PRRC2B: variants seen among roughly 807,000 people sequenced by gnomAD.
The protein encoded by PRRC2B is protein PRRC2B.
In PRRC2B, 68 loss-of-function variants were observed where a neutral mutation model predicts 242.3. That is an observed-to-expected ratio of 0.28 (90% confidence interval 0.23 to 0.34). The LOEUF (loss-of-function observed/expected upper bound fraction) is 0.34, where lower values mean the gene tolerates loss of function less well. Among genes scored for constraint, PRRC2B ranks in the 10% least tolerant of loss-of-function variants. The pLI, the probability that PRRC2B is intolerant of heterozygous loss-of-function variation, is 1.00. For synonymous variants in PRRC2B, 1,228 were observed against 1,173.6 expected (o/e 1.05, Z -0.95); for missense variants, 2,835 against 2,954.8 (o/e 0.96, Z 0.94).
chr9:131,412,352 A>G (rs543613318), intron 1 of PRRC2B, among the ~76,000 whole-genome samples: 1 of 152,008 alleles, frequency 6.6e-6, no homozygotes, highest in Non-Finnish European at 1.5e-5. Flanking sequence ...ATAGTTGTGT[A>G]TGTTTATTTG....
intron 1 of PRRC2B, among the ~76,000 whole-genome samples, chr9:131,382,934 C>T (rs1454091552): frequency 3.9e-5 from 6 of 151,950 alleles, no homozygotes; most frequent in East Asian, 1.9e-4. Flanking sequence ...CCTGAGCCAC[C>T]GCACCCAGCC....
At position 131,467,728 on chromosome 9, in the gene PRRC2B, A is replaced by G; in HGVS notation, c.1886A>G (p.Gln629Arg). The part of the protein sequence containing the change: ...KYQKSLPPRF[Q>R]RQQQQQQQEQ... ...CAGAAGTCCCTTCCTCCCCGATTCC[A>G]GCGCCAGCAGCAGCAACAACAGCAG... The change falls in exon 13 of 32, where the codon CAG (glutamine) becomes CGG (arginine). Residue 629 changes from glutamine (Q) to arginine (R), a missense_variant. Physicochemically the swap from Gln to Arg is conservative, Grantham distance 43. This residue lies in a region of PRRC2B where 1,536 missense variants were observed against 1,483.1 expected (regional missense o/e 1.04). Coordinates refer to ENST00000683519, the MANE Select transcript of PRRC2B (RefSeq NM_013318.4). 1 of 1,613,964 alleles carries G rather than the reference A, an allele frequency of 6.2e-7. No individual in the cohort carries two copies. Among genetic ancestry groups the G allele is most frequent in the East Asian group, 2.2e-5 (1 of 44,886 alleles).
intron 25 of PRRC2B, 141 bp downstream of exon 25, chr9:131,485,281 C>T (rs1256283850): frequency 4.3e-6 from 3 of 690,006 alleles, no homozygotes; most frequent in South Asian, 3.9e-5. Flanking sequence ...GCCCAGTGGT[C>T]GTAGCTCCCA....
At chr9:131,402,294 C>G (rs1255153241) in intron 1 of PRRC2B, among the ~76,000 whole-genome samples, 1 of 152,152 alleles carries the variant, frequency 6.6e-6, no homozygotes, top group Non-Finnish European at 1.5e-5. Flanking sequence ...ATTTTACTTT[C>G]TTTCTGTGAA....
chr9:131,459,765 G>A (rs1460995028), intron 11 of PRRC2B, among the ~76,000 whole-genome samples: 1 of 151,930 alleles, frequency 6.6e-6, no homozygotes, highest in Non-Finnish European at 1.5e-5. Context: ...TCTTGAGCTC[G>A]TGGGCTCAAG....
intron 2 of PRRC2B, among the ~76,000 whole-genome samples, chr9:131,431,986 G>T (rs1838190942): frequency 6.6e-6 from 1 of 152,014 alleles, no homozygotes; most frequent in Non-Finnish European, 1.5e-5. Flanking sequence ...TAGAGACAGG[G>T]TTTTGTCACA....
chr9:131,478,649 G>GGGGGGGGGGCCCCGGGC, intron 18 of PRRC2B, 30 bp downstream of exon 18: 1 of 504,562 alleles, frequency 2.0e-6, no homozygotes. Context: ...GGGGCATGGG[G>GGGGGGGGGGCCCCGGGC]CTGGAGGGCA....
chr9:131,429,890 C>T (rs1838077634), intron 1 of PRRC2B, among the ~76,000 whole-genome samples: 1 of 151,986 alleles, frequency 6.6e-6, no homozygotes, highest in African/African-American at 2.4e-5. Flanking sequence ...GGGGTGTCTA[C>T]ATAAATGCCC....
upstream of PRRC2B, among the ~76,000 whole-genome samples, chr9:131,390,838 G>A (rs1438498454): frequency 1.6e-5 from 2 of 128,812 alleles, no homozygotes; most frequent in Non-Finnish European, 3.1e-5. Flanking sequence ...CCAGGCTATA[G>A]TGCAATGGTG....
chr9:131,491,444 G>A lies in PRRC2B; in HGVS notation c.6245G>A (p.Arg2082Gln), dbSNP rs756081846. The A allele has an allele frequency of 1.9e-5, 31 of 1,605,930 alleles. No individual in the cohort carries two copies. Among genetic ancestry groups the A allele is most frequent in the Non-Finnish European group, 2.5e-5 (30 of 1,176,606 alleles). ...CAGCAGCTGACCATGCCACTGCCTC[G>A]GTACGGCTCCGGGCAGCAGCCACTG... is the stretch of plus-strand genomic sequence containing the variant. The part of the protein sequence containing the change: ...QLPQLTMPLP[R>Q]YGSGQQPLIL... Residue 2082 changes from arginine to glutamine, a missense_variant, in exon 29 of 32, where the codon CGG becomes CAG. Physicochemically the swap from Arg to Gln is conservative, Grantham distance 43. Around this residue, in one of 7 missense-constraint regions of PRRC2B, gnomAD observed 574 missense variants for 626.0 expected, o/e 0.92. Transcript: ENST00000683519.
chr9:131,478,099 G>C, intron 17 of PRRC2B, 150 bp downstream of exon 17: 1 of 665,898 alleles, frequency 1.5e-6, no homozygotes, highest in Non-Finnish European at 2.6e-6. Context: ...GGGCTGTAGA[G>C]GTGAGCAGAG....
At chr9:131,465,154 C>T (rs1031891951) in intron 12 of PRRC2B, 76 bp downstream of exon 12, 13 of 1,383,604 alleles carry the variant, frequency 9.4e-6, no homozygotes, top group African/African-American at 1.4e-5. Context: ...CAACTGCCTT[C>T]CTTCTTAGCT....
At chr9:131,438,878 T>C (rs1358915819) in intron 4 of PRRC2B, 111 bp from the exon 5 acceptor site, 1 of 783,334 alleles carries the variant, frequency 1.3e-6, no homozygotes, top group African/African-American at 1.7e-5. Flanking sequence ...GATGGATCCG[T>C]ATAGGGTTTG....
At chr9:131,441,577 C>A (rs1459292598) in intron 5 of PRRC2B, among the ~76,000 whole-genome samples, 2 of 152,170 alleles carry the variant, frequency 1.3e-5, no homozygotes, top group Non-Finnish European at 1.5e-5. Flanking sequence ...AACCTGCCAG[C>A]CCACAGAATC....
At chr9:131,456,311 TATA>T (rs1943075278) in intron 10 of PRRC2B, among the ~76,000 whole-genome samples, 1 of 151,786 alleles carries the variant, frequency 6.6e-6, no homozygotes. Context: ...CTCTAGTTTT[TATA>T]ATGTTAGTAG....
chr9:131,466,850 G>A (rs1300928635), intron 12 of PRRC2B, among the ~76,000 whole-genome samples: 1 of 150,782 alleles, frequency 6.6e-6, no homozygotes, highest in South Asian at 2.1e-4. Flanking sequence ...CGCCCAGGCT[G>A]GAGTGCAGTG....
In PRRC2B at chr9:131,481,730, C is replaced by A; in HGVS notation, c.4905C>A (p.Leu1635=). Residue 1635 remains leucine, a synonymous_variant, in exon 20 of 32, where the codon CTC becomes CTA. Transcript: ENST00000683519. ...TCTGTCTTCCTCCCCTGGCAGCTCT[C>A]CCTGTGCAGGCCCCAGCCAACGACT... is the stretch of plus-strand genomic sequence containing the variant. ...TEIWESSSQA[L]PVQAPANDSW... is the part of the protein sequence containing the mutation. 4 of 1,561,592 alleles carry A rather than the reference C, an allele frequency of 2.6e-6. No homozygotes were observed. Among genetic ancestry groups the A allele is most frequent in the Non-Finnish European group, 3.5e-6 (4 of 1,153,362 alleles).
At position 131,446,992 on chromosome 9, in the gene PRRC2B, C is replaced by A; in HGVS notation, c.856-93C>A. On this transcript the variant is annotated intron_variant, in intron 7 of 31. Transcript: ENST00000683519. This position sits in a 1 kb window ranked among gnomAD's most constrained non-coding sequence, Gnocchi z 4.1. ...CCATGACTTTCCTGTTTCTTTTTCC[C>A]ATTTTCCACTTTATAAAACACATTC... The A allele has an allele frequency of 6.6e-7, 1 of 1,517,684 alleles. No homozygotes were observed. Among genetic ancestry groups the A allele is most frequent in the Non-Finnish European group, 9.0e-7 (1 of 1,109,054 alleles). 94.0% of individuals were successfully genotyped at this position (1,517,684 alleles called of 1,614,324 possible). A position where few individuals can be genotyped will look rare whatever the true frequency, so the allele number is the denominator to read the frequency against.
chr9:131,444,032 C>CT (rs1184741269), intron 5 of PRRC2B, among the ~76,000 whole-genome samples, 153 bp from the exon 6 acceptor site: 2 of 152,208 alleles, frequency 1.3e-5, no homozygotes, highest in Non-Finnish European at 2.9e-5. Flanking sequence ...CCTCAGCACC[C>CT]TCGTGGCATC....
Sources: gnomAD v4.1 joint callset for allele counts (sites outside exome capture counted in the v4.1 genomes callset) on GRCh38, gnomAD v4.1.1 for gene constraint, gnomAD v4.1.1 regional missense constraint, Gnocchi (gnomAD v3.1) non-coding constraint, MANE v1.5 for transcripts, NCBI Gene and HGNC (gene_info 2026-07-23, HGNC 2026-07-21) for gene names.